CALN1: variants seen among roughly 807,000 people sequenced by gnomAD.
The protein encoded by CALN1 is calcium-binding protein 8.
CALN1 carries 17 observed loss-of-function variants against 30.6 expected under a neutral mutation model. The observed-to-expected ratio is 0.56, with a 90% CI of 0.38 to 0.83. The LOEUF (loss-of-function observed/expected upper bound fraction) is 0.83. CALN1 is among the 40% of genes least tolerant of loss of function. The probability of loss-of-function intolerance (pLI) is 0.00; values close to 1 mark genes in which losing one functional copy is unlikely to be tolerated. For missense variants in CALN1, 291 were observed against 354.9 expected, an observed-to-expected ratio of 0.82 and a Z score of 1.45; for synonymous variants, 156 against 131.4, an observed-to-expected ratio of 1.19 and a Z score of -1.28.
In CALN1 at chr7:71,978,262, C is replaced by CTTTTTT. The variant is rs1010635078; in HGVS notation, c.501+45389_501+45394dup. On this transcript the variant is annotated intron_variant, in intron 5 of 6. Coordinates refer to ENST00000395275, the MANE Select transcript of CALN1 (RefSeq NM_031468.4). ...AAAAACTCAGGGACTCTAGAGAATT[C>CTTTTTT]TTTTTTTTTTTTTTTTTTTTTTTTT... is the stretch of plus-strand genomic sequence containing the variant. Among the ~76,000 whole-genome samples, 131 of 72,930 alleles carry CTTTTTT rather than the reference C, an allele frequency of 1.8e-3. 8 individuals are homozygous for CTTTTTT. The highest frequency in any genetic ancestry group is 4.4e-3 in the African/African-American group (77 of 17,638). The allele number at this position is 72,930 out of a possible 152,430, so 47.8% of individuals were successfully genotyped here.
At chr7:72,125,799 CTTTTTTT>C (rs61475416) in intron 3 of CALN1, among the ~76,000 whole-genome samples, 1 of 114,766 alleles carries the variant, frequency 8.7e-6, no homozygotes, top group African/African-American at 3.3e-5. Context: ...CTGTATCATT[CTTTTTTT>C]TTTTTTTTTT....
At chr7:72,356,377 T>C (rs184708465) in intron 2 of CALN1, among the ~76,000 whole-genome samples, 2 of 152,044 alleles carry the variant, frequency 1.3e-5, no homozygotes, top group Admixed American at 6.5e-5. Context: ...ATGAAAACAA[T>C]TGCACAAAAT....
chr7:72,002,826 C>T (rs1799592922), intron 5 of CALN1, among the ~76,000 whole-genome samples: 1 of 152,104 alleles, frequency 6.6e-6, no homozygotes, highest in Non-Finnish European at 1.5e-5. Flanking sequence ...CATGATCTCA[C>T]TTATATGTAG....
intron 2 of CALN1, among the ~76,000 whole-genome samples, chr7:72,324,647 A>C (rs1801141481): frequency 6.6e-6 from 1 of 151,686 alleles, no homozygotes; most frequent in African/African-American, 2.4e-5. Flanking sequence ...CAATGGGGTA[A>C]CTTGGCTCAC....
chr7:72,280,108 C>T (rs1797634171), intron 2 of CALN1, among the ~76,000 whole-genome samples: 1 of 152,174 alleles, frequency 6.6e-6, no homozygotes, highest in Non-Finnish European at 1.5e-5. Context: ...CATTTCCACC[C>T]GGATGTCAAA....
chr7:71,944,146 G>C (rs967403928), intron 5 of CALN1, among the ~76,000 whole-genome samples: 1 of 152,100 alleles, frequency 6.6e-6, no homozygotes. Context: ...GGTTTTTGTA[G>C]TGTTAAACAA....
intron 5 of CALN1, among the ~76,000 whole-genome samples, chr7:71,899,664 A>G (rs1417942073): frequency 1.3e-5 from 2 of 152,242 alleles, no homozygotes; most frequent in Non-Finnish European, 1.5e-5. Flanking sequence ...AAATCACTCT[A>G]AAGTTCATAT....
chr7:72,293,534 T>G (rs1460112525), intron 2 of CALN1, among the ~76,000 whole-genome samples: 5 of 152,202 alleles, frequency 3.3e-5, no homozygotes, highest in Non-Finnish European at 7.3e-5. Context: ...CAGCAGCCTA[T>G]TGCCAGGGAA....
intron 5 of CALN1, among the ~76,000 whole-genome samples, chr7:71,934,252 T>C (rs1584545405): frequency 6.6e-6 from 1 of 152,198 alleles, no homozygotes; most frequent in African/African-American, 2.4e-5. Flanking sequence ...AGATCCCATA[T>C]CTGAAGGTGT....
chr7:71,925,625 C>T (rs929913810), intron 5 of CALN1, among the ~76,000 whole-genome samples: 2 of 151,768 alleles, frequency 1.3e-5, no homozygotes, highest in Non-Finnish European at 2.9e-5. Flanking sequence ...ATATAGACTT[C>T]TGGGTTGACA....
chr7:72,098,760 G>GCACACACACACACACACACACACA (rs1491327481), intron 4 of CALN1, among the ~76,000 whole-genome samples: 2 of 101,330 alleles, frequency 2.0e-5, no homozygotes, highest in East Asian at 4.7e-4. Context: ...AGCCCATTTG[G>GCACACACACACACACACACACACA]CGCGCACACA....
chr7:71,867,371 A>G (rs528099006), intron 5 of CALN1, among the ~76,000 whole-genome samples: 2 of 152,070 alleles, frequency 1.3e-5, no homozygotes, highest in African/African-American at 4.8e-5. Context: ...ATTTGACCAC[A>G]TGTAGGTTTG....
chr7:72,431,683 A>G (rs529696481), intron 1 of CALN1, among the ~76,000 whole-genome samples: 1 of 152,210 alleles, frequency 6.6e-6, no homozygotes, highest in South Asian at 2.1e-4. Flanking sequence ...TCTCTACAGA[A>G]TATTTAAAAA....
At chr7:72,197,411 G>C (rs1449846742) in intron 3 of CALN1, among the ~76,000 whole-genome samples, 1 of 151,724 alleles carries the variant, frequency 6.6e-6, no homozygotes, top group Non-Finnish European at 1.5e-5. Context: ...CATGTTGGTC[G>C]GGCTGGTCTC....
chr7:72,359,286 G>A (rs1244327473), intron 2 of CALN1, among the ~76,000 whole-genome samples: 5 of 152,060 alleles, frequency 3.3e-5, no homozygotes, highest in Non-Finnish European at 7.4e-5. Context: ...CCCATCACAC[G>A]GTTCAATATT....
At chr7:72,128,580 C>A (rs762475702) in intron 3 of CALN1, among the ~76,000 whole-genome samples, 1 of 152,108 alleles carries the variant, frequency 6.6e-6, no homozygotes, top group Non-Finnish European at 1.5e-5. Flanking sequence ...CTATATAAAT[C>A]TTAAAACGGG....
At chr7:72,373,952 G>A (rs972883048) in intron 2 of CALN1, among the ~76,000 whole-genome samples, 1 of 152,116 alleles carries the variant, frequency 6.6e-6, no homozygotes, top group African/African-American at 2.4e-5. Flanking sequence ...CCAGATGGAA[G>A]TGGAAAAATA....
chr7:72,304,667 T>A (rs186053935), intron 2 of CALN1, among the ~76,000 whole-genome samples: 27 of 152,286 alleles, frequency 1.8e-4, no homozygotes, highest in African/African-American at 6.0e-4. Flanking sequence ...ATTCTTATAT[T>A]ACTTTCATTA....
intron 5 of CALN1, among the ~76,000 whole-genome samples, chr7:71,909,433 T>G (rs899820073): frequency 6.6e-6 from 1 of 151,990 alleles, no homozygotes; most frequent in Non-Finnish European, 1.5e-5. Flanking sequence ...ATACAAACAC[T>G]TACTGGTTAA....
Sources: gnomAD v4.1 joint callset for allele counts (sites outside exome capture counted in the v4.1 genomes callset) on GRCh38, gnomAD v4.1.1 for gene constraint, MANE v1.5 for transcripts, NCBI Gene and HGNC (gene_info 2026-07-23, HGNC 2026-07-21) for gene names.